WDR59: variants seen among roughly 807,000 people sequenced by gnomAD.
The protein encoded by WDR59 is GATOR2 complex protein WDR59.
In WDR59, 100 loss-of-function variants were observed where a neutral mutation model predicts 131.2. The observed-to-expected ratio is 0.76, with a 90% CI of 0.65 to 0.90. The LOEUF (loss-of-function observed/expected upper bound fraction) is 0.90, where lower values mean the gene tolerates loss of function less well. Among genes scored for constraint, WDR59 ranks in the 40% least tolerant of loss-of-function variants. The probability of loss-of-function intolerance (pLI) is 0.00; values close to 1 mark genes in which losing one functional copy is unlikely to be tolerated. For synonymous variants in WDR59, 601 were observed against 466.2 expected (o/e 1.29, Z -3.72); for missense variants, 1,203 against 1,262.2 (o/e 0.95, Z 0.71).
At chr16:74,938,062 C>T (rs1467971728) in intron 8 of WDR59, 88 bp downstream of exon 8, 6 of 909,994 alleles carry the variant, frequency 6.6e-6, no homozygotes, top group Non-Finnish European at 8.1e-6. Flanking sequence ...TGTGCTAACA[C>T]ACTGCAGCTT....
At chr16:74,901,997 T>C (rs1050290663) in intron 18 of WDR59, among the ~76,000 whole-genome samples, 2 of 152,198 alleles carry the variant, frequency 1.3e-5, no homozygotes, top group Non-Finnish European at 2.9e-5. Context: ...TTGAACCACA[T>C]GAATCTTTGT....
At chr16:74,981,631 TATATATATATATATATATATATATATATA>T (rs1567450557) in intron 1 of WDR59, among the ~76,000 whole-genome samples, 5 of 5,802 alleles carry the variant, frequency 8.6e-4, no homozygotes, top group East Asian at 0.017. Flanking sequence ...TATATATATA[TATATATATATATATATATATATATATATA>T]TTTTTTTTTT....
chr16:74,898,867 G>T (rs761586159), intron 18 of WDR59, among the ~76,000 whole-genome samples: 2 of 152,240 alleles, frequency 1.3e-5, no homozygotes, highest in Non-Finnish European at 2.9e-5. Flanking sequence ...CTTTTGGAAG[G>T]TGGCCCCGTT....
chr16:74,938,347 G>C (rs1350890737), intron 7 of WDR59, 81 bp from the exon 8 acceptor site: 3 of 959,630 alleles, frequency 3.1e-6, no homozygotes, highest in Middle Eastern at 2.3e-4. Flanking sequence ...GCTAGGTAGT[G>C]AGTGAGGATG....
At chr16:74,949,549 C>G (rs1416665406) in intron 5 of WDR59, among the ~76,000 whole-genome samples, 169 bp downstream of exon 5, 1 of 151,872 alleles carries the variant, frequency 6.6e-6, no homozygotes, top group Non-Finnish European at 1.5e-5. Context: ...TCTCTATCCC[C>G]CTACAACTGT....
rs573060514 is a variant in WDR59, at chr16:74,981,816, C to T, written c.54+3148G>A. On this transcript the variant is annotated intron_variant, in intron 1 of 25. Transcript: ENST00000262144. ...GATTACAGGTGCATGCCACTATGGT[C>T]GGCTAATTTTTGTATCTTTAGTAGA... Among the ~76,000 whole-genome samples, 15 of 141,870 alleles carry T rather than the reference C, an allele frequency of 1.1e-4. No individual in the cohort carries two copies. In the East Asian group the frequency reaches 2.0e-3, roughly 19 times the overall value. The allele number at this position is 141,870 out of a possible 152,430, so 93.1% of individuals were successfully genotyped here. A position where few individuals can be genotyped will look rare whatever the true frequency, so the allele number is the denominator to read the frequency against.
intron 8 of WDR59, among the ~76,000 whole-genome samples, chr16:74,927,842 G>C (rs2030988501): frequency 6.6e-6 from 1 of 150,838 alleles, no homozygotes; most frequent in South Asian, 2.1e-4. Context: ...TAAAGAACCA[G>C]ATGCTGGACT....
intron 1 of WDR59, among the ~76,000 whole-genome samples, chr16:74,967,356 A>G (rs1474339101): frequency 6.6e-6 from 1 of 152,160 alleles, no homozygotes; most frequent in African/African-American, 2.4e-5. Context: ...AGGAGATGAT[A>G]AGGAGGAGGG....
At chr16:74,939,037 A>G (rs1174993365) in intron 7 of WDR59, among the ~76,000 whole-genome samples, 1 of 152,072 alleles carries the variant, frequency 6.6e-6, no homozygotes, top group African/African-American at 2.4e-5. Context: ...TAAGCATAGA[A>G]AATAAACAGG....
rs113317558 is a variant in WDR59, at chr16:74,921,211, C to T, written c.886+736G>A. ...ATCACCCAGGTACTAAGCCTAGTAC[C>T]CAATGGTTATTTTTTTCTGATCCTC... On this transcript the variant is annotated intron_variant, in intron 10 of 25. Coordinates refer to ENST00000262144, the MANE Select transcript of WDR59 (RefSeq NM_030581.4). Among the ~76,000 whole-genome samples the T allele has an allele frequency of 9.5e-4, 144 of 151,938 alleles. 1 individual carries two copies. The Middle Eastern group carries it at 0.01, about 11-fold the overall frequency.
intron 18 of WDR59, 61 bp downstream of exon 18, chr16:74,903,886 G>A (rs1215139734): frequency 2.6e-6 from 4 of 1,548,344 alleles, no homozygotes; most frequent in Non-Finnish European, 2.6e-6. Context: ...CCAGGCAGGA[G>A]ATGAGGAACA....
intron 25 of WDR59, among the ~76,000 whole-genome samples, chr16:74,880,838 G>A (rs1296708031): frequency 6.6e-6 from 1 of 152,216 alleles, no homozygotes; most frequent in Non-Finnish European, 1.5e-5. Context: ...AAGGTGCAGG[G>A]TCATACAGCT....
chr16:74,886,176 C>T, intron 24 of WDR59, 94 bp downstream of exon 24: 1 of 1,032,826 alleles, frequency 9.7e-7, no homozygotes, highest in East Asian at 2.4e-5. Context: ...GATTCTGTGT[C>T]CAAAAAAAAA....
chr16:74,936,503 G>C (rs2031812096), intron 8 of WDR59, among the ~76,000 whole-genome samples: 1 of 151,916 alleles, frequency 6.6e-6, no homozygotes, highest in African/African-American at 2.4e-5. Context: ...CTGAACTTGG[G>C]AGACAAGCTG....
intron 4 of WDR59, among the ~76,000 whole-genome samples, chr16:74,950,908 C>T (rs889744722): frequency 6.6e-6 from 1 of 151,438 alleles, no homozygotes; most frequent in East Asian, 1.9e-4. Context: ...GTAATCCCAA[C>T]ACTTTGGGAG....
intron 18 of WDR59, among the ~76,000 whole-genome samples, chr16:74,898,335 A>G (rs1965388732): frequency 6.6e-6 from 1 of 152,212 alleles, no homozygotes; most frequent in South Asian, 2.1e-4. Context: ...TCTATGCAGT[A>G]AAGTTAGTAC....
chr16:74,896,438 G>C (rs556385640), intron 18 of WDR59, among the ~76,000 whole-genome samples: 1 of 152,064 alleles, frequency 6.6e-6, no homozygotes, highest in Non-Finnish European at 1.5e-5. Context: ...AGACCAGCCC[G>C]GCCCTGGCCC....
chr16:74,973,460 C>T (rs899787045), intron 1 of WDR59, among the ~76,000 whole-genome samples: 2 of 152,094 alleles, frequency 1.3e-5, no homozygotes, highest in Non-Finnish European at 2.9e-5. Flanking sequence ...CTAAGTTTTT[C>T]ATTTTCTGTA....
At position 74,903,343 on chromosome 16, in the gene WDR59, A is replaced by G. The variant is rs183680600; in HGVS notation, c.1866+604T>C. Among the ~76,000 whole-genome samples the G allele has an allele frequency of 1.3e-3, 200 of 152,260 alleles. 1 individual carries two copies. The highest frequency in any genetic ancestry group is 4.5e-3 in the African/African-American group (189 of 41,548). On this transcript the variant is annotated intron_variant, in intron 18 of 25. Coordinates refer to ENST00000262144, the MANE Select transcript of WDR59 (RefSeq NM_030581.4). ...AGCTTTCTCTGCCAACTTTCTCTAC[A>G]TGGTTGGCACCAAGGGTTTCTGACA...
Sources: gnomAD v4.1 joint callset for allele counts (sites outside exome capture counted in the v4.1 genomes callset) on GRCh38, gnomAD v4.1.1 for gene constraint, MANE v1.5 for transcripts, NCBI Gene and HGNC (gene_info 2026-07-23, HGNC 2026-07-21) for gene names.